The following ANKRD30B variants were observed in gnomAD, a reference collection of about 807,000 sequenced individuals.
ANKRD30B encodes ankyrin repeat domain-containing protein 30B.
ANKRD30B carries 144 observed loss-of-function variants against 202.2 expected under a neutral mutation model. The observed-to-expected ratio is 0.71, with a 90% CI of 0.62 to 0.82. The LOEUF (loss-of-function observed/expected upper bound fraction) is 0.82. ANKRD30B is among the 40% of genes least tolerant of loss of function. The pLI is 0.00. For synonymous variants in ANKRD30B, 508 were observed against 561.3 expected (o/e 0.91, Z 1.34); for missense variants, 1,487 against 1,669.1 (o/e 0.89, Z 1.90).
chr18:14,938,200 GGCTGAATATACCTCA>G, the ANKRD30B span, among the ~76,000 whole-genome samples: 1 of 152,102 alleles, frequency 6.6e-6, no homozygotes, highest in Non-Finnish European at 1.5e-5. Context: ...CCTCAGCTCT[GGCTGAATATACCTCA>G]GCTGATTGAG....
the ANKRD30B span, among the ~76,000 whole-genome samples, chr18:14,919,670 G>A: frequency 1.3e-5 from 2 of 152,272 alleles, no homozygotes; most frequent in Admixed American, 6.5e-5. Flanking sequence ...GGGGAAAAAA[G>A]TTTCTAACAT....
At chr18:14,922,648 C>G in the ANKRD30B span, among the ~76,000 whole-genome samples, 1 of 131,086 alleles carries the variant, frequency 7.6e-6, no homozygotes, top group African/African-American at 3.0e-5. Flanking sequence ...GAGTGAGACT[C>G]CGTCTCAAAA....
At chr18:14,778,685 T>C (rs1479702628) in intron 10 of ANKRD30B, among the ~76,000 whole-genome samples, 1 of 152,224 alleles carries the variant, frequency 6.6e-6, no homozygotes, top group Non-Finnish European at 1.5e-5. Context: ...GAAAATCAGC[T>C]GAATACCTTG....
the ANKRD30B span, among the ~76,000 whole-genome samples, chr18:14,894,299 C>T: frequency 6.6e-6 from 1 of 152,136 alleles, no homozygotes; most frequent in Non-Finnish European, 1.5e-5. Context: ...AGGTGTCCCT[C>T]TAATCTTGTA....
intron 22 of ANKRD30B, among the ~76,000 whole-genome samples, chr18:14,799,568 C>T (rs10775421): frequency 0.51 from 77,013 of 151,832 alleles, 19,837 homozygotes; most frequent in Non-Finnish European, 0.53. Context: ...TGTACGTGCT[C>T]GGTTTTAAGG....
At chr18:14,822,092 A>G (rs1195557055) in intron 30 of ANKRD30B, among the ~76,000 whole-genome samples, 1 of 152,064 alleles carries the variant, frequency 6.6e-6, no homozygotes, top group African/African-American at 2.4e-5. Context: ...ATGTCATAGC[A>G]TTCTACCATT....
At chr18:14,764,561 T>TC (rs1567987577) in intron 7 of ANKRD30B, among the ~76,000 whole-genome samples, 1 of 81,886 alleles carries the variant, frequency 1.2e-5, no homozygotes, top group Non-Finnish European at 3.1e-5. Context: ...ACCTGGCTGA[T>TC]TTTTTGTATT....
chr18:14,852,164 A>G lies in ANKRD30B; in HGVS notation c.4220A>G (p.Asn1407Ser). 6.3e-7 allele frequency: 1 copy of G among 1,593,988 alleles called. No homozygotes were observed. The highest frequency in any genetic ancestry group is 8.5e-7 in the Non-Finnish European group (1 of 1,170,134). The change falls in exon 42 of 44, where the codon AAT becomes AGT. Residue 1407 changes from asparagine (N) to serine (S), a missense_variant. Coordinates refer to ENST00000690538, the MANE Select transcript of ANKRD30B (RefSeq NM_001367607.2). ...CACATGTATCAAAATGAACAAGATA[A>G]TGTGGACAAACACACTGAACAGCAG... is the stretch of plus-strand genomic sequence containing the variant. ...AEHMYQNEQD[N>S]VDKHTEQQES... is the part of the protein sequence containing the mutation.
intron 24 of ANKRD30B, among the ~76,000 whole-genome samples, chr18:14,806,525 A>T (rs1174603105): frequency 1.3e-5 from 2 of 150,768 alleles, no homozygotes; most frequent in African/African-American, 4.9e-5. Context: ...AAAGTAATTT[A>T]AAAAAATAAC....
the ANKRD30B span, among the ~76,000 whole-genome samples, chr18:14,925,161 T>C: frequency 2.7e-4 from 41 of 152,256 alleles, no homozygotes; most frequent in Admixed American, 2.7e-3. Flanking sequence ...AAGTGGAATC[T>C]GAGTGGAGGG....
the ANKRD30B span, among the ~76,000 whole-genome samples, chr18:14,868,582 A>G: frequency 6.6e-6 from 1 of 152,278 alleles, no homozygotes; most frequent in Non-Finnish European, 1.5e-5. Context: ...GGAACCTCTC[A>G]GGAGGGTGGC....
Position 14,848,776 on chromosome 18 carries a change from T to C in ANKRD30B, c.3242T>C (p.Leu1081Pro). 1.3e-6 allele frequency: 2 copies of C among 1,572,654 alleles called. No individual in the cohort carries two copies. The highest frequency in any genetic ancestry group is 2.3e-5 in the East Asian group (1 of 43,462). The change falls in exon 40 of 44, where the codon CTT becomes CCT. Residue 1081 changes from leucine (L) to proline (P), a missense_variant. By Grantham distance (98) the Leu-to-Pro change is moderately conservative (BLOSUM62 -3). This residue lies in a region of ANKRD30B where 177 missense variants were observed against 216.4 expected (regional missense o/e 0.82). Coordinates refer to ENST00000690538, the MANE Select transcript of ANKRD30B (RefSeq NM_001367607.2). ...CCTTCTTGTGAAAGAGGAAGGGAAC[T>C]TAAAAAAGATAACTGTGAACAAATT... The part of the protein sequence containing the change: ...ALPSCERGRE[L>P]KKDNCEQITA...
At chr18:14,905,734 A>G in the ANKRD30B span, 3 of 152,222 alleles carry the variant, frequency 2.0e-5, no homozygotes, top group Non-Finnish European at 4.4e-5. Flanking sequence ...AACATATGTC[A>G]GATAAATATA....
the ANKRD30B span, among the ~76,000 whole-genome samples, chr18:14,923,675 G>T: frequency 1.3e-5 from 2 of 152,160 alleles, no homozygotes; most frequent in African/African-American, 4.8e-5. Flanking sequence ...ACCCAAGTAG[G>T]GTTAAAATGG....
intron 24 of ANKRD30B, among the ~76,000 whole-genome samples, chr18:14,804,139 G>A (rs1339634998): frequency 3.2e-5 from 1 of 31,528 alleles, no homozygotes; most frequent in African/African-American, 1.2e-4. Context: ...CAGAGAGGAC[G>A]GGAAGGAACA....
intron 10 of ANKRD30B, 76 bp downstream of exon 10, chr18:14,778,151 C>T (rs1257875884): frequency 1.1e-6 from 1 of 948,026 alleles, no homozygotes; most frequent in East Asian, 2.7e-5. Flanking sequence ...TATACTCTGA[C>T]AGCCAGAGAA....
At chr18:14,880,090 C>T in the ANKRD30B span, among the ~76,000 whole-genome samples, 3 of 151,878 alleles carry the variant, frequency 2.0e-5, no homozygotes, top group African/African-American at 7.3e-5. Flanking sequence ...GTTTTATTCC[C>T]CTACATGTGG....
At chr18:14,873,106 G>T in the ANKRD30B span, among the ~76,000 whole-genome samples, 6 of 152,310 alleles carry the variant, frequency 3.9e-5, no homozygotes, top group South Asian at 8.3e-4. Context: ...ACAGTGGAAC[G>T]TAGGAAGAGA....
In ANKRD30B at chr18:14,837,258, C is replaced by A; in HGVS notation, c.2895C>A (p.Gly965=). ...CTGGACAACAGGAACGTGATATTGGCATTATTGAACGAGCTCCACAAGATC... is the reference window on the plus strand; with the variant it reads ...CTGGACAACAGGAACGTGATATTGGAATTATTGAACGAGCTCCACAAGATC... ...TVTGQQERDI[G]IIERAPQDQT... Residue 965 remains glycine (G), a synonymous_variant, in exon 35 of 44, where the codon GGC becomes GGA. Transcript: ENST00000690538. 1.3e-6 allele frequency: 2 copies of A among 1,549,218 alleles called. No homozygotes were observed. The highest frequency in any genetic ancestry group is 1.7e-6 in the Non-Finnish European group (2 of 1,145,820).
Sources: gnomAD v4.1 joint callset for allele counts (sites outside exome capture counted in the v4.1 genomes callset) on GRCh38, gnomAD v4.1.1 for gene constraint, gnomAD v4.1.1 regional missense constraint, MANE v1.5 for transcripts, NCBI Gene and HGNC (gene_info 2026-07-23, HGNC 2026-07-21) for gene names.